The following GRAMD2B variants were observed in gnomAD, a reference collection of about 807,000 sequenced individuals.
GRAMD2B encodes the protein GRAM domain containing 2B.
Under a neutral mutation model 59.2 loss-of-function variants are expected in GRAMD2B, and 41 were observed. The ratio of observed to expected loss-of-function variants is 0.69; its 90% confidence interval spans 0.54 to 0.90. GRAMD2B has a LOEUF of 0.90. Ranked by LOEUF, GRAMD2B falls within the 40% of genes least tolerant of loss-of-function variation. GRAMD2B has a pLI of 0.00. For synonymous variants in GRAMD2B, 161 were observed against 182.7 expected (o/e 0.88, Z 0.96); for missense variants, 424 against 500.5 (o/e 0.85, Z 1.46).
At chr5:126,482,001 C>T (rs1321349588) in intron 8 of GRAMD2B, among the ~76,000 whole-genome samples, 1 of 149,436 alleles carries the variant, frequency 6.7e-6, no homozygotes, top group Non-Finnish European at 1.5e-5. Flanking sequence ...AGATGAAGTA[C>T]TGATACCTGC....
intron 5 of GRAMD2B, among the ~76,000 whole-genome samples, chr5:126,475,321 C>A (rs1770371864): frequency 1.3e-5 from 2 of 152,112 alleles, no homozygotes. Context: ...TTGAAAACTC[C>A]TTCTTAAGGG....
chr5:126,405,169 G>T (rs1325828394), intron 1 of GRAMD2B, among the ~76,000 whole-genome samples: 1 of 151,914 alleles, frequency 6.6e-6, no homozygotes, highest in Non-Finnish European at 1.5e-5. Context: ...AGTAGAGGAA[G>T]AGTCTGGGAA....
chr5:126,400,342 C>A (rs1757714041), intron 1 of GRAMD2B, among the ~76,000 whole-genome samples: 1 of 152,066 alleles, frequency 6.6e-6, no homozygotes, highest in East Asian at 1.9e-4. Flanking sequence ...AAACTCTACA[C>A]TTTTATTTCT....
rs1554069238 is a variant in GRAMD2B at position 126,360,459 on chromosome 5, TGTAA to T, written c.128+3_128+6del. ...AAGCCAGTGGGTCCGGACCTGGAAC[TGTAA>T]GTGACAGGTCTCAGACCTGGAAAAA... On this transcript the variant is annotated splice_donor_variant and splice_donor_region_variant and intron_variant, in intron 1 of 13. Coordinates refer to the GRAMD2B transcript ENST00000513040. LOFTEE classifies it high-confidence loss of function. The T allele has an allele frequency of 6.5e-7, 1 of 1,550,252 alleles. No individual in the cohort carries two copies. The highest frequency in any genetic ancestry group is 8.7e-7 in the Non-Finnish European group (1 of 1,146,178).
chr5:126,389,507 C>T (rs563524938), intron 1 of GRAMD2B, among the ~76,000 whole-genome samples: 89 of 152,212 alleles, frequency 5.8e-4, no homozygotes, highest in African/African-American at 2.0e-3. Flanking sequence ...TTATAGTCTT[C>T]TATTCTTAGT....
chr5:126,364,240 A>C (rs1052330213), intron 1 of GRAMD2B, among the ~76,000 whole-genome samples: 13 of 152,224 alleles, frequency 8.5e-5, no homozygotes, highest in Admixed American at 2.6e-4. Flanking sequence ...GCTATTAAGT[A>C]GCACAGTAAG....
rs193119527 is a variant in GRAMD2B, at chr5:126,481,869, G to A, written c.735+1162G>A. Reference sequence around the variant, plus strand: ...TGTAATCCCAGCTACTCAGGAGGCCGAGGCAGGAGAATTGCTTGAACCTGG... The same window carrying A: ...TGTAATCCCAGCTACTCAGGAGGCCAAGGCAGGAGAATTGCTTGAACCTGG... On this transcript the variant is annotated intron_variant, in intron 8 of 13. Transcript: ENST00000285689. 4.8e-4 allele frequency among the ~76,000 whole-genome samples: 73 copies of A among 151,856 alleles called. No individual in the cohort carries two copies. The East Asian group carries it at 8.9e-3, about 19-fold the overall frequency.
At chr5:126,381,228 C>A (rs1351242997) in intron 1 of GRAMD2B, among the ~76,000 whole-genome samples, 2 of 152,036 alleles carry the variant, frequency 1.3e-5, no homozygotes, top group African/African-American at 2.4e-5. Context: ...GTTAAACCAT[C>A]CCTGCATCCC....
intron 1 of GRAMD2B, among the ~76,000 whole-genome samples, chr5:126,411,895 G>A (rs1003206919): frequency 1.4e-5 from 2 of 145,042 alleles, no homozygotes; most frequent in South Asian, 2.1e-4. Context: ...TTGCATTCTT[G>A]ATTTGGCTCT....
At chr5:126,405,538 C>A (rs979522366) in intron 1 of GRAMD2B, among the ~76,000 whole-genome samples, 5 of 151,936 alleles carry the variant, frequency 3.3e-5, no homozygotes, top group African/African-American at 4.8e-5. Context: ...ATTTTACTCT[C>A]CCCACTCCCT....
At chr5:126,387,181 G>T (rs192617703) in intron 1 of GRAMD2B, among the ~76,000 whole-genome samples, 3 of 150,714 alleles carry the variant, frequency 2.0e-5, no homozygotes, top group Non-Finnish European at 4.4e-5. Context: ...AAGTAAACAT[G>T]GAAATAAATA....
upstream of GRAMD2B, among the ~76,000 whole-genome samples, chr5:126,368,267 G>A (rs564732713): frequency 6.6e-6 from 1 of 152,332 alleles, no homozygotes; most frequent in East Asian, 1.9e-4. Context: ...AATGAAAGCT[G>A]TGGCACAGGC....
intron 1 of GRAMD2B, among the ~76,000 whole-genome samples, chr5:126,451,862 A>C (rs1362074763): frequency 6.6e-6 from 1 of 152,058 alleles, no homozygotes; most frequent in East Asian, 1.9e-4. Flanking sequence ...ATTCTCACTC[A>C]GTTAGTTAAT....
chr5:126,452,014 C>T (rs760983344), intron 1 of GRAMD2B, among the ~76,000 whole-genome samples: 1 of 152,084 alleles, frequency 6.6e-6, no homozygotes, highest in Non-Finnish European at 1.5e-5. Context: ...AAGCAGATGC[C>T]GGCACTATGC....
intron 1 of GRAMD2B, among the ~76,000 whole-genome samples, chr5:126,391,256 G>T (rs957754894): frequency 7.2e-6 from 1 of 139,682 alleles, no homozygotes; most frequent in Non-Finnish European, 1.5e-5. Context: ...CAGGAGAATC[G>T]CTTGAACCCA....
At chr5:126,433,246 C>T (rs1397368864) in intron 1 of GRAMD2B, among the ~76,000 whole-genome samples, 2 of 152,154 alleles carry the variant, frequency 1.3e-5, no homozygotes, top group African/African-American at 4.8e-5. Flanking sequence ...GGTACTATTT[C>T]CATCACATTT....
upstream of GRAMD2B, among the ~76,000 whole-genome samples, chr5:126,368,867 G>GT (rs1282982062): frequency 2.0e-5 from 3 of 152,158 alleles, no homozygotes. Context: ...TGAAATAACC[G>GT]TAACACCCGG....
upstream of GRAMD2B, among the ~76,000 whole-genome samples, chr5:126,370,909 A>T (rs930244534): frequency 4.6e-5 from 7 of 152,226 alleles, no homozygotes; most frequent in African/African-American, 1.7e-4. Flanking sequence ...GGTCCCAAGG[A>T]CCAAGGAATG....
intron 5 of GRAMD2B, among the ~76,000 whole-genome samples, chr5:126,474,055 A>G (rs1432264070): frequency 6.6e-6 from 1 of 152,268 alleles, no homozygotes; most frequent in Non-Finnish European, 1.5e-5. Context: ...CCGTGGGACT[A>G]TGGCCTATCA....
Sources: gnomAD v4.1 joint callset for allele counts (sites outside exome capture counted in the v4.1 genomes callset) on GRCh38, gnomAD v4.1.1 for gene constraint, MANE v1.5 for transcripts, NCBI Gene and HGNC (gene_info 2026-07-23, HGNC 2026-07-21) for gene names.